PCDHGB4: variants seen among roughly 807,000 people sequenced by gnomAD.
The protein encoded by PCDHGB4 is protocadherin gamma-B4.
A neutral mutation model predicts 60.5 loss-of-function variants in PCDHGB4; 38 were observed. That is an observed-to-expected ratio of 0.63 (90% CI 0.48 to 0.82). PCDHGB4 has a LOEUF of 0.82. Among genes scored for constraint, PCDHGB4 ranks in the 40% least tolerant of loss-of-function variants. PCDHGB4 has a pLI of 0.00. For missense variants in PCDHGB4, 1,109 were observed against 1,209.6 expected (o/e 0.92, Z 1.23); for synonymous variants, 456 against 509.7 (o/e 0.89, Z 1.42).
rs532087470 is a variant in PCDHGB4, at chr5:141,414,020, C to T, written c.2397+23739C>T. 9 of 1,612,620 alleles carry T rather than the reference C, an allele frequency of 5.6e-6. No homozygotes were observed. The East Asian group carries it at 1.8e-4, about 32-fold the overall frequency. The stretch of plus-strand genomic sequence containing the variant: ...GACGAAGGTGCCAATGGAGAAGTGA[C>T]ATATTCATTCCGAAAATTACCTGAC... On this transcript the variant is annotated intron_variant, in intron 1 of 3. Transcript: ENST00000519479.
intron 1 of PCDHGB4, chr5:141,410,203 C>T: frequency 1.9e-6 from 3 of 1,614,022 alleles, no homozygotes; most frequent in Non-Finnish European, 2.5e-6. Flanking sequence ...TCGCAGACAA[C>T]TTGCAAGAGA....
chr5:141,500,461 G>A (rs1343646600), intron 2 of PCDHGB4, among the ~76,000 whole-genome samples: 1 of 151,910 alleles, frequency 6.6e-6, no homozygotes, highest in Non-Finnish European at 1.5e-5. Flanking sequence ...CGCCCGCCTC[G>A]GCCTCCCAAA....
At chr5:141,407,497 G>GTTTTTTTTTTTTTTTTTTTTTTT (rs1554102286) in intron 1 of PCDHGB4, among the ~76,000 whole-genome samples, 2 of 152,088 alleles carry the variant, frequency 1.3e-5, no homozygotes, top group African/African-American at 4.8e-5. Context: ...CTTTATTTCT[G>GTTTTTTTTTTTTTTTTTTTTTTT]TTTTTCTTAG....
intron 1 of PCDHGB4, chr5:141,423,599 C>T (rs1185412610): frequency 6.2e-7 from 1 of 1,612,844 alleles, no homozygotes; most frequent in Non-Finnish European, 8.5e-7. Context: ...AAAAGCGAGC[C>T]ACTCTTGATA....
intron 1 of PCDHGB4, chr5:141,427,887 C>T (rs759734297): frequency 3.8e-6 from 6 of 1,565,908 alleles, no homozygotes; most frequent in South Asian, 1.1e-5. Flanking sequence ...GGCCCACGAC[C>T]AGGGCTCGCC....
At chr5:141,398,242 G>A (rs768096349) in intron 1 of PCDHGB4, 11 of 1,476,422 alleles carry the variant, frequency 7.5e-6, no homozygotes, top group Admixed American at 6.1e-5. Context: ...CAGGATTCCC[G>A]AGGAAATGCC....
chr5:141,489,729 C>T lies in PCDHGB4; in HGVS notation c.2398-5078C>T, dbSNP rs760195181. ...ACAGTGCCCAGGATCCGGATGTGGGCACCAATACTGTGAGCTTTTACACTC... is the reference window on the plus strand; with the variant it reads ...ACAGTGCCCAGGATCCGGATGTGGGTACCAATACTGTGAGCTTTTACACTC... On this transcript the variant is annotated intron_variant, in intron 1 of 3. Transcript: ENST00000519479. The surrounding 1 kb of genome is among the most constrained non-coding windows in gnomAD (Gnocchi z 4.5). 2.5e-6 allele frequency: 4 copies of T among 1,614,152 alleles called. No individual in the cohort carries two copies. The highest frequency in any genetic ancestry group is 2.2e-5 in the East Asian group (1 of 44,876).
chr5:141,419,738 C>T (rs745596534), intron 1 of PCDHGB4: 2 of 1,613,796 alleles, frequency 1.2e-6, no homozygotes, highest in Non-Finnish European at 1.7e-6. Flanking sequence ...AGGCGAGGTG[C>T]GCATGGTGCG....
rs761492460 is a variant in PCDHGB4, at chr5:141,389,630, T to C, written c.1746T>C (p.Pro582=). The C allele has an allele frequency of 9.9e-6, 16 of 1,612,872 alleles. No homozygotes were observed. The Admixed American group carries it at 1.8e-4, about 18-fold the overall frequency. ...LFDMVPHAAE[P]GYLVTKVVAV... ...ATATGGTGCCGCACGCTGCAGAGCC[T>C]GGCTACTTGGTGACCAAGGTAGTGG... The change falls in exon 1 of 4, where the codon CCT becomes CCC. Residue 582 remains proline (P), a synonymous_variant. Coordinates refer to ENST00000519479, the MANE Select transcript of PCDHGB4 (RefSeq NM_003736.4).
intron 1 of PCDHGB4, among the ~76,000 whole-genome samples, chr5:141,461,804 C>A (rs559757409): frequency 1.4e-3 from 212 of 152,036 alleles, no homozygotes; most frequent in African/African-American, 5.0e-3. Context: ...CAGGTGCCCA[C>A]CACCACACCC....
Position 141,414,827 on chromosome 5 carries a change from C to T in PCDHGB4, c.2397+24546C>T, listed in dbSNP as rs1253521902. On this transcript the variant is annotated intron_variant, in intron 1 of 3. Coordinates refer to ENST00000519479, the MANE Select transcript of PCDHGB4 (RefSeq NM_003736.4). Reference sequence around the variant, plus strand: ...GATCCTCCACTCAGCAGCAACGTGTCGTTGAGCCTGTTTGTGCTGGACCAG... The same window carrying T: ...GATCCTCCACTCAGCAGCAACGTGTTGTTGAGCCTGTTTGTGCTGGACCAG... 1.9e-6 allele frequency: 3 copies of T among 1,614,116 alleles called. No individual in the cohort carries two copies. Among genetic ancestry groups the T allele is most frequent in the African/African-American group, 1.3e-5 (1 of 74,946 alleles).
At chr5:141,414,706 A>G in intron 1 of PCDHGB4, 1 of 1,614,002 alleles carries the variant, frequency 6.2e-7, no homozygotes, top group South Asian at 1.1e-5. Context: ...ATACATATCC[A>G]TCAACTCAGA....
chr5:141,415,350 G>C, intron 1 of PCDHGB4: 1 of 1,614,228 alleles, frequency 6.2e-7, no homozygotes, highest in Non-Finnish European at 8.5e-7. Context: ...GCTGGCACAA[G>C]TCACGCCTGC....
chr5:141,439,487 G>A lies in PCDHGB4; in HGVS notation c.2397+49206G>A, dbSNP rs11952418. 8.3e-3 allele frequency among the ~76,000 whole-genome samples: 1,269 copies of A among 152,266 alleles called. 16 individuals are homozygous for A. Among genetic ancestry groups the A allele is most frequent in the African/African-American group, 0.029 (1,205 of 41,540 alleles). Reference sequence around the variant, plus strand: ...GCTGCCTTTCAGCTTGCAAATTCCAGTGAGAAACGTCTTTCTCTCTGCTCT... The same window carrying A: ...GCTGCCTTTCAGCTTGCAAATTCCAATGAGAAACGTCTTTCTCTCTGCTCT... On this transcript the variant is annotated intron_variant, in intron 1 of 3. Coordinates refer to ENST00000519479, the MANE Select transcript of PCDHGB4 (RefSeq NM_003736.4).
intron 1 of PCDHGB4, among the ~76,000 whole-genome samples, chr5:141,488,305 T>C (rs1452293355): frequency 6.6e-6 from 1 of 152,234 alleles, no homozygotes; most frequent in African/African-American, 2.4e-5. Context: ...AAATCACTTA[T>C]GTCAGAAAAC....
At chr5:141,395,526 G>T in intron 1 of PCDHGB4, 4 of 357,898 alleles carry the variant, frequency 1.1e-5, no homozygotes, top group Admixed American at 4.6e-5. Context: ...GTCCATACTG[G>T]TAATTTTGCT....
At chr5:141,408,738 C>A in intron 1 of PCDHGB4, 1 of 1,609,632 alleles carries the variant, frequency 6.2e-7, no homozygotes, top group Non-Finnish European at 8.5e-7. Flanking sequence ...CCTTATTTTT[C>A]ATTAATGGTT....
At chr5:141,397,965 C>A in intron 1 of PCDHGB4, 1 of 1,077,484 alleles carries the variant, frequency 9.3e-7, no homozygotes. Flanking sequence ...AGCTCAGACT[C>A]CCCAGCGCCG....
chr5:141,408,846 TGGACGGA>T, intron 1 of PCDHGB4: 1 of 1,613,698 alleles, frequency 6.2e-7, no homozygotes, highest in Non-Finnish European at 8.5e-7. Flanking sequence ...TTGACTGCCT[TGGACGGA>T]GGGGACCCAC....
Sources: gnomAD v4.1 joint callset for allele counts (sites outside exome capture counted in the v4.1 genomes callset) on GRCh38, gnomAD v4.1.1 for gene constraint, Gnocchi (gnomAD v3.1) non-coding constraint, MANE v1.5 for transcripts, NCBI Gene and HGNC (gene_info 2026-07-23, HGNC 2026-07-21) for gene names.